The following ABCB6 variants were observed in gnomAD, a reference collection of about 807,000 sequenced individuals.
The protein encoded by ABCB6 is ATP-binding cassette sub-family B member 6.
Under a neutral mutation model 99.4 loss-of-function variants are expected in ABCB6, and 87 were observed. That is an observed-to-expected ratio of 0.88 (90% CI 0.74 to 1.05). ABCB6 has a LOEUF of 1.05. ABCB6 is among the 50% of genes least tolerant of loss of function. ABCB6 has a pLI of 0.00. For missense variants in ABCB6, 1,050 were observed against 1,097.9 expected, an observed-to-expected ratio of 0.96 and a Z score of 0.62; for synonymous variants, 482 against 447.5, an observed-to-expected ratio of 1.08 and a Z score of -0.97.
chr2:219,213,747 G>A (rs1172441118), intron 9 of ABCB6, 79 bp downstream of exon 9: 10 of 1,613,354 alleles, frequency 6.2e-6, no homozygotes, highest in East Asian at 2.2e-5. Flanking sequence ...ACTTCCTACC[G>A]AAGAGCCTGG....
rs1950687043 is a variant in ABCB6, at chr2:219,218,916, T to TCTGGGCC, written c.-250_-244dup. On this transcript the variant is annotated 5_prime_UTR_variant, in exon 1 of 19. Transcript: ENST00000265316. Reference sequence around the variant, plus strand: ...GCCGTCTCAGCACGGCCCCGCTGGCTCTGGGCCCGGGACCCTCCTGCCAAC... The same window carrying TCTGGGCC: ...GCCGTCTCAGCACGGCCCCGCTGGCTCTGGGCCCTGGGCCCGGGACCCTCCTGCCAAC... The TCTGGGCC allele has an allele frequency of 2.1e-6, 1 of 481,868 alleles. No homozygotes were observed. The highest frequency in any genetic ancestry group is 2.0e-5 in the African/African-American group (1 of 48,864). 29.8% of individuals were successfully genotyped at this position (481,868 alleles called of 1,614,324 possible). A position where few individuals can be genotyped will look rare whatever the true frequency, so the allele number is the denominator to read the frequency against.
Position 219,210,707 on chromosome 2 carries a change from G to C in ABCB6, c.2256+4C>G. The C allele has an allele frequency of 6.2e-7, 1 of 1,613,486 alleles. No individual in the cohort carries two copies. Among genetic ancestry groups the C allele is most frequent in the East Asian group, 2.2e-5 (1 of 44,878 alleles). Reference sequence around the variant, plus strand: ...GGAAGGAGGGGAGGAGACCCAGGGCGCACCTCATCCAGCAGAATGATGCCC... The same window carrying C: ...GGAAGGAGGGGAGGAGACCCAGGGCCCACCTCATCCAGCAGAATGATGCCC... On this transcript the variant is annotated splice_donor_region_variant and intron_variant, in intron 16 of 18. Coordinates refer to ENST00000265316, the MANE Select transcript of ABCB6 (RefSeq NM_005689.4).
rs754250687 is a variant in ABCB6 at position 219,210,002 on chromosome 2, C to A, written c.2465G>T (p.Trp822Leu). The A allele has an allele frequency of 1.9e-5, 30 of 1,614,032 alleles. No homozygotes were observed. The highest frequency in any genetic ancestry group is 2.3e-5 in the Non-Finnish European group (27 of 1,180,038). ...LSRGGVYADM[W>L]QLQQGQEETS... The stretch of plus-strand genomic sequence containing the variant: ...TTCTTCCTGTCCCTGCTGCAGCTGC[C>A]ACATGTCAGCATACACCCCACCTCG... Residue 822 changes from tryptophan (W) to leucine (L), a missense_variant, in exon 19 of 19, where the codon TGG becomes TTG. Coordinates refer to ENST00000265316, the MANE Select transcript of ABCB6 (RefSeq NM_005689.4).
Position 219,218,478 on chromosome 2 carries a change from C to A in ABCB6, c.196G>T (p.Ala66Ser). The A allele has an allele frequency of 6.2e-7, 1 of 1,606,768 alleles. No individual in the cohort carries two copies. Among genetic ancestry groups the A allele is most frequent in the Non-Finnish European group, 8.5e-7 (1 of 1,177,142 alleles). Reference sequence around the variant, plus strand: ...ACGTAGGGAGAGATGCGAGGGCCGGCCCCCCAAGACAGCGAATCAGCACCA... The same window carrying A: ...ACGTAGGGAGAGATGCGAGGGCCGGACCCCCAAGACAGCGAATCAGCACCA... ...PAGADSLSWGAGPRISPYVLQ... is the reference protein window; with the variant it reads ...PAGADSLSWGSGPRISPYVLQ... The change falls in exon 1 of 19, where the codon GCC (alanine) becomes TCC (serine). Residue 66 changes from alanine (A) to serine (S), a missense_variant. Coordinates refer to ENST00000265316, the MANE Select transcript of ABCB6 (RefSeq NM_005689.4).
At position 219,216,192 on chromosome 2, in the gene ABCB6, CG is replaced by C; in HGVS notation, c.971-13del. 3.2e-6 allele frequency: 5 copies of C among 1,579,002 alleles called. No individual in the cohort carries two copies. The highest frequency in any genetic ancestry group is 2.3e-5 in the East Asian group (1 of 44,006). ...GTTGCTCACGAAGCCTGCAGGGAGC[CG>C]GGGGACGCCTCAGTAGGGCCTGGGA... On this transcript the variant is annotated splice_polypyrimidine_tract_variant and intron_variant, in intron 4 of 18. Transcript: ENST00000265316. The surrounding 1 kb of genome is among the most constrained non-coding windows in gnomAD (Gnocchi z 4.2).
intron 5 of ABCB6, chr2:219,215,475 C>G (rs531040764): frequency 2.0e-5 from 4 of 197,876 alleles, no homozygotes; most frequent in African/African-American, 7.1e-5. Flanking sequence ...GGCACAATGG[C>G]TCACAACTGT....
At position 219,215,025 on chromosome 2, in the gene ABCB6, G is replaced by A; in HGVS notation, c.1212C>T (p.Tyr404=). ...ACCAGGCGTTGAAGAACATGCTGAA[G>A]TAGATGATGCCAATGATGATGTCGG... is the stretch of plus-strand genomic sequence containing the variant. ...TLADIIIGII[Y]FSMFFNAWFG... is the part of the protein sequence containing the mutation. The change falls in exon 6 of 19, where the codon TAC becomes TAT. Residue 404 remains tyrosine (Y), a synonymous_variant. Coordinates refer to ENST00000265316, the MANE Select transcript of ABCB6 (RefSeq NM_005689.4). 6.2e-7 allele frequency: 1 copy of A among 1,614,184 alleles called. No homozygotes were observed. The highest frequency in any genetic ancestry group is 8.5e-7 in the Non-Finnish European group (1 of 1,180,030).
Position 219,218,858 on chromosome 2 carries a change from C to G in ABCB6, c.-185G>C. 1 of 611,270 alleles carries G rather than the reference C, an allele frequency of 1.6e-6. No homozygotes were observed. 37.9% of individuals were successfully genotyped at this position (611,270 alleles called of 1,614,324 possible). On this transcript the variant is annotated 5_prime_UTR_variant, in exon 1 of 19. Transcript: ENST00000265316. Reference sequence around the variant, plus strand: ...TCACCGCCCACTCCCCTAGCGCACGCGCCGCCGCCACGCACTCACGCAGGG... The same window carrying G: ...TCACCGCCCACTCCCCTAGCGCACGGGCCGCCGCCACGCACTCACGCAGGG...
At chr2:219,214,838 G>T (rs979497703) in intron 6 of ABCB6, 123 bp downstream of exon 6, 1 of 1,149,276 alleles carries the variant, frequency 8.7e-7, no homozygotes, top group African/African-American at 1.5e-5. Flanking sequence ...CGAGCACTAG[G>T]AGCCCATTCA....
At chr2:219,213,766 C>T (rs1254404290) in intron 9 of ABCB6, 60 bp downstream of exon 9, 26 of 1,613,292 alleles carry the variant, frequency 1.6e-5, no homozygotes, top group African/African-American at 2.7e-5. Context: ...GGTGACCAGA[C>T]ACAGGCCTCA....
chr2:219,213,489 T>C lies in ABCB6; in HGVS notation c.1669A>G (p.Asn557Asp), dbSNP rs1239251744. Residue 557 changes from asparagine to aspartate, a missense_variant, in exon 11 of 19, where the codon AAC becomes GAC. Asn to Asp is a conservative substitution (Grantham distance 23). Coordinates refer to ENST00000265316, the MANE Select transcript of ABCB6 (RefSeq NM_005689.4). ...FGTYYRMIQT[N>D]FIDMENMFDL... is the part of the protein sequence containing the mutation. Reference sequence around the variant, plus strand: ...AACATGTTCTCCATGTCAATGAAGTTGGTCTGGATCATCCTGCAAAAAGGT... The same window carrying C: ...AACATGTTCTCCATGTCAATGAAGTCGGTCTGGATCATCCTGCAAAAAGGT... 6.2e-7 allele frequency: 1 copy of C among 1,614,248 alleles called. No homozygotes were observed. Among genetic ancestry groups the C allele is most frequent in the South Asian group, 1.1e-5 (1 of 91,080 alleles).
rs778800082 is a variant in ABCB6 at position 219,210,901 on chromosome 2, G to T, written c.2143+33C>A. 1.9e-5 allele frequency: 31 copies of T among 1,613,608 alleles called. No homozygotes were observed. The Admixed American group carries it at 3.0e-4, about 16-fold the overall frequency. ...AGGGATTAGCAGGACAACACCAGGA[G>T]GGGAGGGGACTCTCTGCAAAGGAAT... On this transcript the variant is annotated intron_variant, in intron 15 of 18. Transcript: ENST00000265316.
At chr2:219,211,136 C>T (rs754753162) in intron 14 of ABCB6, 28 bp from the exon 15 acceptor site, 2 of 1,611,000 alleles carry the variant, frequency 1.2e-6, no homozygotes, top group East Asian at 4.5e-5. Context: ...CACACTCTGC[C>T]TTATGAGATA....
chr2:219,217,263 A>T (rs541970697), intron 2 of ABCB6, among the ~76,000 whole-genome samples: 2 of 152,316 alleles, frequency 1.3e-5, no homozygotes, highest in East Asian at 3.9e-4. Context: ...AGGCACGAGA[A>T]TTGTTTGAAC....
In ABCB6 at chr2:219,210,005, A is replaced by T. The variant is rs1390537669; in HGVS notation, c.2462T>A (p.Met821Lys). Reference protein sequence around the residue: ...LLSRGGVYADMWQLQQGQEET... With the variant: ...LLSRGGVYADKWQLQQGQEET... Reference sequence around the variant, plus strand: ...TTCCTGTCCCTGCTGCAGCTGCCACATGTCAGCATACACCCCACCTCGGGA... The same window carrying T: ...TTCCTGTCCCTGCTGCAGCTGCCACTTGTCAGCATACACCCCACCTCGGGA... Residue 821 changes from methionine (M) to lysine (K), a missense_variant, in exon 19 of 19, where the codon ATG (methionine) becomes AAG (lysine). By Grantham distance (95) the Met-to-Lys change is moderately conservative. Transcript: ENST00000265316. The T allele has an allele frequency of 6.2e-7, 1 of 1,614,092 alleles. No individual in the cohort carries two copies. Among genetic ancestry groups the T allele is most frequent in the Admixed American group, 1.7e-5 (1 of 60,024 alleles).
rs766946467 is a variant in ABCB6, at chr2:219,216,349, C to A, written c.970+15G>T. 10 of 1,608,790 alleles carry A rather than the reference C, an allele frequency of 6.2e-6. No individual in the cohort carries two copies. The highest frequency in any genetic ancestry group is 8.5e-6 in the Non-Finnish European group (10 of 1,175,280). On this transcript the variant is annotated intron_variant, in intron 4 of 18. Transcript: ENST00000265316. This position sits in a 1 kb window ranked among gnomAD's most constrained non-coding sequence, Gnocchi z 4.2. ...GGACCTATACCTAGCAGGGTGAGGG[C>A]GGAGTCTCTCATACCTGTACTGCCA... is the stretch of plus-strand genomic sequence containing the variant.
At chr2:219,215,256 T>C in intron 5 of ABCB6, 174 bp from the exon 6 acceptor site, 1 of 701,652 alleles carries the variant, frequency 1.4e-6, no homozygotes, top group Non-Finnish European at 2.3e-6. Flanking sequence ...ACTACAGAAT[T>C]CTCTGTATCA....
Position 219,211,080 on chromosome 2 carries a change from A to G in ABCB6, c.1997T>C (p.Ile666Thr), listed in dbSNP as rs1356916555. 5.0e-6 allele frequency: 8 copies of G among 1,614,070 alleles called. No homozygotes were observed. The highest frequency in any genetic ancestry group is 2.2e-5 in the East Asian group (1 of 44,894). The change falls in exon 15 of 19, where the codon ATT (isoleucine) becomes ACT (threonine). Residue 666 changes from isoleucine to threonine, a missense_variant. Physicochemically the swap from Ile to Thr is moderately conservative, Grantham distance 89. Transcript: ENST00000265316. ...GACAGTGTCTTGGGGCACAACTCCA[A>G]TGTGAGACCGGAGAGAGGCCTGGGT... is the stretch of plus-strand genomic sequence containing the variant. ...QVTQASLRSH[I>T]GVVPQDTVLF... is the part of the protein sequence containing the mutation.
At chr2:219,217,554 G>C (rs569041466) in intron 2 of ABCB6, 116 bp downstream of exon 2, 48 of 791,614 alleles carry the variant, frequency 6.1e-5, no homozygotes, top group African/African-American at 5.7e-4. Flanking sequence ...TGAGGCAGGA[G>C]AATCGCTTGA....
Sources: allele counts gnomAD v4.1 joint callset (sites outside exome capture counted in the v4.1 genomes callset), GRCh38; gene constraint gnomAD v4.1.1; non-coding constraint Gnocchi (gnomAD v3.1); transcripts MANE v1.5; gene names NCBI Gene and HGNC (gene_info 2026-07-23, HGNC 2026-07-21).